CDH12: variants seen among roughly 807,000 people sequenced by gnomAD.
The protein encoded by CDH12 is cadherin-12.
CDH12 carries 41 observed loss-of-function variants against 74.1 expected under a neutral mutation model. The observed-to-expected ratio is 0.55, with a 90% confidence interval of 0.43 to 0.72. The LOEUF is 0.72. CDH12 is among the 30% of genes least tolerant of loss of function. The pLI, the probability that CDH12 is intolerant of heterozygous loss-of-function variation, is 0.00. For missense variants in CDH12, 945 were observed against 977.2 expected (o/e 0.97, Z 0.44); for synonymous variants, 399 against 355.0 (o/e 1.12, Z -1.39).
At chr5:21,926,545 C>A (rs1393909593) in intron 6 of CDH12, among the ~76,000 whole-genome samples, 1 of 152,106 alleles carries the variant, frequency 6.6e-6, no homozygotes, top group African/African-American at 2.4e-5. Context: ...TATGAATGTG[C>A]CAGCCTTATG....
At chr5:22,164,144 G>A (rs941042411) in intron 4 of CDH12, among the ~76,000 whole-genome samples, 10 of 152,176 alleles carry the variant, frequency 6.6e-5, no homozygotes, top group African/African-American at 1.7e-4. Flanking sequence ...CAAGATGGTC[G>A]TGGGCCACTT....
At chr5:22,851,501 A>C (rs1449322881) in intron 1 of CDH12, among the ~76,000 whole-genome samples, 2 of 152,262 alleles carry the variant, frequency 1.3e-5, no homozygotes, top group East Asian at 3.9e-4. Context: ...TTAAGAGAAA[A>C]ATATGTTATG....
intron 1 of CDH12, among the ~76,000 whole-genome samples, chr5:22,530,737 G>A (rs967326110): frequency 1.3e-5 from 2 of 151,984 alleles, no homozygotes; most frequent in South Asian, 2.1e-4. Context: ...AGTTGTACAA[G>A]TAAATAATAA....
intron 5 of CDH12, among the ~76,000 whole-genome samples, chr5:22,019,654 G>A (rs893557352): frequency 1.3e-5 from 2 of 152,184 alleles, no homozygotes; most frequent in African/African-American, 4.8e-5. Context: ...ATGGCACCTG[G>A]ATCTTGGACT....
intron 1 of CDH12, among the ~76,000 whole-genome samples, chr5:22,775,523 G>T (rs994653590): frequency 6.6e-6 from 1 of 151,768 alleles, no homozygotes; most frequent in African/African-American, 2.4e-5. Context: ...AATAATTACA[G>T]GAGTAATTTT....
intron 1 of CDH12, chr5:22,580,238 T>A: frequency 3.1e-6 from 1 of 327,332 alleles, no homozygotes; most frequent in South Asian, 2.6e-5. Flanking sequence ...TCTTCTAACA[T>A]CTCCAAGCTT....
chr5:22,605,872 C>T (rs1030302937), intron 1 of CDH12, among the ~76,000 whole-genome samples: 8 of 152,204 alleles, frequency 5.3e-5, no homozygotes, highest in Non-Finnish European at 5.9e-5. Context: ...TGCAGGCAAG[C>T]ATTAGCCATG....
At position 22,035,014 on chromosome 5, in the gene CDH12, GA is replaced by G. The variant is rs577443834; in HGVS notation, c.231+43431del. Reference sequence around the variant, plus strand: ...ATCAACGTTATAATGAAATAACATTGAAAAAATGACATTATTTGAGGATCTG... The same window carrying G: ...ATCAACGTTATAATGAAATAACATTGAAAAATGACATTATTTGAGGATCTG... On this transcript the variant is annotated intron_variant, in intron 5 of 14. Transcript: ENST00000382254. 9.3e-4 allele frequency among the ~76,000 whole-genome samples: 141 copies of G among 152,162 alleles called. 1 individual carries two copies. The highest frequency in any genetic ancestry group is 3.4e-3 in the African/African-American group (141 of 41,536).
chr5:22,578,607 C>T (rs1739915342), intron 1 of CDH12, among the ~76,000 whole-genome samples: 1 of 152,048 alleles, frequency 6.6e-6, no homozygotes, highest in Non-Finnish European at 1.5e-5. Flanking sequence ...CACTGCTTTC[C>T]CAGAAAATCA....
At chr5:22,114,936 GA>G (rs1745003680) in intron 4 of CDH12, among the ~76,000 whole-genome samples, 1 of 152,128 alleles carries the variant, frequency 6.6e-6, no homozygotes, top group Admixed American at 6.5e-5. Context: ...AAGAGGTGAA[GA>G]TTTTGAAGCA....
chr5:22,213,987 A>G (rs1375491002), intron 3 of CDH12, among the ~76,000 whole-genome samples: 7 of 151,826 alleles, frequency 4.6e-5, no homozygotes, highest in Admixed American at 1.3e-4. Flanking sequence ...GCGAGAAGCT[A>G]TATTTACATT....
intron 1 of CDH12, among the ~76,000 whole-genome samples, chr5:22,740,732 G>T (rs1332796388): frequency 6.6e-6 from 1 of 152,006 alleles, no homozygotes; most frequent in African/African-American, 2.4e-5. Context: ...TAATCTCCCT[G>T]AACTTGTGTT....
intron 1 of CDH12, among the ~76,000 whole-genome samples, chr5:22,569,576 C>T (rs191955789): frequency 3.2e-4 from 49 of 152,296 alleles, no homozygotes; most frequent in East Asian, 2.9e-3. Context: ...CTATCAACTA[C>T]GCTTAGGACA....
intron 4 of CDH12, among the ~76,000 whole-genome samples, chr5:22,103,877 A>AAAGGAAGTCACAT (rs1309892998): frequency 1.3e-5 from 2 of 152,254 alleles, no homozygotes; most frequent in Non-Finnish European, 2.9e-5. Flanking sequence ...CTATGTAAGT[A>AAAGGAAGTCACAT]AAGGAAGTCA....
At chr5:22,305,413 A>T (rs1393363124) in intron 3 of CDH12, among the ~76,000 whole-genome samples, 3 of 152,104 alleles carry the variant, frequency 2.0e-5, no homozygotes, top group Non-Finnish European at 2.9e-5. Flanking sequence ...TATTTTTTTT[A>T]AAAAGAAACT....
intron 8 of CDH12, among the ~76,000 whole-genome samples, chr5:21,836,857 A>T (rs1393143457): frequency 1.3e-5 from 2 of 151,940 alleles, no homozygotes; most frequent in Admixed American, 1.3e-4. Context: ...TTGTAAAGAA[A>T]CTATTTTGTC....
At chr5:22,523,857 T>C (rs1200653425) in intron 1 of CDH12, among the ~76,000 whole-genome samples, 1 of 152,186 alleles carries the variant, frequency 6.6e-6, no homozygotes, top group Non-Finnish European at 1.5e-5. Context: ...CTCTAGGTAC[T>C]GGATTTAAGT....
At chr5:22,536,887 G>T (rs1328545301) in intron 1 of CDH12, among the ~76,000 whole-genome samples, 4 of 152,056 alleles carry the variant, frequency 2.6e-5, no homozygotes, top group Non-Finnish European at 4.4e-5. Context: ...TCTTTTTGTG[G>T]TTTTTCTGAT....
intron 2 of CDH12, among the ~76,000 whole-genome samples, chr5:22,406,951 G>A (rs1742964444): frequency 6.6e-6 from 1 of 152,038 alleles, no homozygotes; most frequent in South Asian, 2.1e-4. Flanking sequence ...CAGCAAATAT[G>A]AAAGAATATA....
Sources: gnomAD v4.1 joint callset for allele counts (sites outside exome capture counted in the v4.1 genomes callset) on GRCh38, gnomAD v4.1.1 for gene constraint, MANE v1.5 for transcripts, NCBI Gene and HGNC (gene_info 2026-07-23, HGNC 2026-07-21) for gene names.